Variants in CAPS2 observed in about 807,000 individuals in gnomAD.
CAPS2 encodes calcyphosine 2.
In CAPS2, 98 loss-of-function variants were observed where a neutral mutation model predicts 86.5. That is an observed-to-expected ratio of 1.13 (90% confidence interval 0.96 to 1.34). The LOEUF (loss-of-function observed/expected upper bound fraction) is 1.34, where lower values mean the gene tolerates loss of function less well. CAPS2 is among the 40% of genes most tolerant of loss of function. The probability of loss-of-function intolerance (pLI) is 0.00; values close to 1 mark genes in which losing one functional copy is unlikely to be tolerated. For missense variants in CAPS2, 729 were observed against 686.8 expected, an observed-to-expected ratio of 1.06 and a Z score of -0.69; for synonymous variants, 210 against 225.1, an observed-to-expected ratio of 0.93 and a Z score of 0.60.
chr12:75,329,883 G>C, upstream of CAPS2: 1 of 1,543,816 alleles, frequency 6.5e-7, no homozygotes, highest in South Asian at 1.2e-5. Flanking sequence ...GGGATTCCTG[G>C]ACAGGACAGG....
At chr12:75,335,927 A>C (rs553143228) in intron 1 of CAPS2, among the ~76,000 whole-genome samples, 1 of 152,006 alleles carries the variant, frequency 6.6e-6, no homozygotes, top group South Asian at 2.1e-4. Flanking sequence ...ATGTATGATA[A>C]AAAAGAGTAA....
upstream of CAPS2, chr12:75,334,911 G>A (rs559000552): frequency 5.3e-5 from 85 of 1,612,250 alleles, 1 homozygote; most frequent in South Asian, 8.9e-4. Context: ...TGGTGAGAAA[G>A]AACCAGGGCT....
intron 1 of CAPS2, among the ~76,000 whole-genome samples, chr12:75,337,308 G>A (rs992839511): frequency 1.7e-4 from 26 of 151,762 alleles, no homozygotes; most frequent in Middle Eastern, 6.9e-3. Flanking sequence ...AATATCAAAA[G>A]TTGGTTTAAA....
chr12:75,283,212 T>C (rs1051530216), intron 15 of CAPS2, among the ~76,000 whole-genome samples: 5 of 152,222 alleles, frequency 3.3e-5, no homozygotes, highest in Admixed American at 1.3e-4. Context: ...TCATAAGATA[T>C]CATGAAATAT....
intron 4 of CAPS2, among the ~76,000 whole-genome samples, chr12:75,321,804 A>G (rs986174435): frequency 2.6e-5 from 4 of 152,158 alleles, no homozygotes; most frequent in Admixed American, 2.6e-4. Context: ...CTTAAATACC[A>G]GTAAGCTTAT....
In CAPS2 at chr12:75,339,814, A is replaced by G. The variant is rs1158770686; in HGVS notation, c.-394-16592T>C. Among the ~76,000 whole-genome samples, 3 of 152,158 alleles carry G rather than the reference A, an allele frequency of 2.0e-5. No homozygotes were observed. In the South Asian group the frequency reaches 6.2e-4, roughly 32 times the overall value. ...TTCAATTTTCTGCATATGGCTAGCC[A>G]GTTCTCCCAGCGGAAAAGTTATTTA... On this transcript the variant is annotated intron_variant, in intron 1 of 5. Transcript: ENST00000551829.
chr12:75,316,276 T>C (rs1345858075), intron 6 of CAPS2, 36 bp downstream of exon 6: 2 of 1,548,208 alleles, frequency 1.3e-6, no homozygotes, highest in Non-Finnish European at 1.7e-6. Flanking sequence ...ATAAGATTAA[T>C]GGCTCACCAA....
At chr12:75,298,801 A>T (rs200532842) in intron 10 of CAPS2, 21 bp from the exon 11 acceptor site, 7 of 1,607,642 alleles carry the variant, frequency 4.4e-6, no homozygotes, top group Admixed American at 3.3e-5. Flanking sequence ...AATGAAAAAA[A>T]AATGGAAAGT....
intron 1 of CAPS2, chr12:75,363,091 CT>C: frequency 2.0e-6 from 3 of 1,483,908 alleles, no homozygotes; most frequent in African/African-American, 1.4e-5. Context: ...CAATGTTTCT[CT>C]TTTTTACAGA....
intron 12 of CAPS2, among the ~76,000 whole-genome samples, chr12:75,292,686 C>CATATATAATATGTATATATTATATATT (rs2036195010): frequency 2.8e-5 from 4 of 145,044 alleles, no homozygotes; most frequent in South Asian, 4.3e-4. Flanking sequence ...ATCTATAATA[C>CATATATAATATGTATATATTATATATT]ATATATAATA....
At chr12:75,364,521 G>A (rs1448031120) in intron 1 of CAPS2, among the ~76,000 whole-genome samples, 1 of 152,186 alleles carries the variant, frequency 6.6e-6, no homozygotes, top group Non-Finnish European at 1.5e-5. Flanking sequence ...CAATTTAAAT[G>A]TTCCAGCCCA....
intron 1 of CAPS2, among the ~76,000 whole-genome samples, chr12:75,351,192 A>C (rs2139439414): frequency 6.6e-6 from 1 of 152,332 alleles, no homozygotes; most frequent in Middle Eastern, 3.4e-3. Context: ...AGATTATGTA[A>C]GATTGAACCT....
chr12:75,289,980 G>T (rs1447793381), intron 13 of CAPS2, among the ~76,000 whole-genome samples: 1 of 152,116 alleles, frequency 6.6e-6, no homozygotes, highest in Non-Finnish European at 1.5e-5. Context: ...ATGTAAATAT[G>T]CCAGAACTAT....
In CAPS2 at chr12:75,359,575, CA is replaced by C. The variant is rs1236032827; in HGVS notation, c.-395+31262del. On this transcript the variant is annotated intron_variant, in intron 1 of 5. Transcript: ENST00000551829. ...TTTCAAGTGCTAATAATATGGTTTT[CA>C]AAAGTTATTAAAACTGTAAAATATT... Among the ~76,000 whole-genome samples the C allele has an allele frequency of 6.6e-5, 10 of 151,664 alleles. No homozygotes were observed. The East Asian group carries it at 1.6e-3, about 24-fold the overall frequency.
exon 6 of CAPS2, chr12:75,316,328 G>C (rs765676434): frequency 6.4e-7 from 1 of 1,550,734 alleles, no homozygotes; most frequent in African/African-American, 1.4e-5. Context: ...CAATTTTCTT[G>C]CCCTCTGTTG....
chr12:75,302,639 C>G (rs1593374605), intron 8 of CAPS2, among the ~76,000 whole-genome samples: 1 of 151,966 alleles, frequency 6.6e-6, no homozygotes, highest in Non-Finnish European at 1.5e-5. Context: ...ATATGTGCGA[C>G]AAATATAGTT....
intron 6 of CAPS2, among the ~76,000 whole-genome samples, chr12:75,313,810 AAATAAG>A (rs2039472319): frequency 6.6e-6 from 1 of 152,268 alleles, no homozygotes; most frequent in South Asian, 2.1e-4. Flanking sequence ...ACAAAATATC[AAATAAG>A]AATGTCTAAA....
chr12:75,334,950 G>T, upstream of CAPS2: 1 of 1,522,098 alleles, frequency 6.6e-7, no homozygotes, highest in Non-Finnish European at 9.0e-7. Flanking sequence ...CTCATCCTGA[G>T]GTATCTGGGT....
chr12:75,325,701 A>G (rs943911684), intron 1 of CAPS2, among the ~76,000 whole-genome samples: 3 of 152,044 alleles, frequency 2.0e-5, no homozygotes, highest in Admixed American at 6.6e-5. Context: ...GGAGTTAGCT[A>G]GATGAAAAGA....
Sources: gnomAD v4.1 joint callset for allele counts (sites outside exome capture counted in the v4.1 genomes callset) on GRCh38, gnomAD v4.1.1 for gene constraint, MANE v1.5 for transcripts, NCBI Gene and HGNC (gene_info 2026-07-23, HGNC 2026-07-21) for gene names.